Variants in RAB3B observed in about 807,000 individuals in gnomAD.
RAB3B encodes the protein ras-related protein Rab-3B.
A neutral mutation model predicts 20.5 loss-of-function variants in RAB3B; 11 were observed. The ratio of observed to expected loss-of-function variants is 0.54; its 90% CI spans 0.34 to 0.89. The LOEUF is 0.89. Ranked by LOEUF, RAB3B falls within the 40% of genes least tolerant of loss-of-function variation. The probability of loss-of-function intolerance (pLI) is 0.02; values close to 1 mark genes in which losing one functional copy is unlikely to be tolerated. For synonymous variants in RAB3B, 99 were observed against 106.3 expected (o/e 0.93, Z 0.42); for missense variants, 225 against 280.9 (o/e 0.80, Z 1.42).
chr1:51,949,656 G>A (rs1684610158), intron 2 of RAB3B, among the ~76,000 whole-genome samples: 1 of 152,212 alleles, frequency 6.6e-6, no homozygotes, highest in Non-Finnish European at 1.5e-5. Context: ...CAACCCCAAA[G>A]CTCCAGAGGG....
At chr1:51,924,159 G>A (rs1425121977) in intron 4 of RAB3B, among the ~76,000 whole-genome samples, 4 of 152,182 alleles carry the variant, frequency 2.6e-5, no homozygotes, top group Non-Finnish European at 4.4e-5. Flanking sequence ...GATACGGATA[G>A]TGTGGGTCAT....
At chr1:51,975,031 T>C (rs950767852) in intron 2 of RAB3B, among the ~76,000 whole-genome samples, 3 of 151,924 alleles carry the variant, frequency 2.0e-5, no homozygotes, top group Admixed American at 6.6e-5. Flanking sequence ...CTGGTGAACA[T>C]GGTGAAAACC....
intron 2 of RAB3B, among the ~76,000 whole-genome samples, chr1:51,940,083 T>C (rs1184824202): frequency 1.3e-5 from 2 of 152,252 alleles, no homozygotes; most frequent in Non-Finnish European, 2.9e-5. Flanking sequence ...GAATATATGT[T>C]GTTACTCTCA....
chr1:51,967,521 C>CTTTTTTTTTCTTTTTTTT lies in RAB3B; in HGVS notation c.228+9368_228+9369insAAAAAAAAGAAAAAAAAA, dbSNP rs1684871040. Among the ~76,000 whole-genome samples the CTTTTTTTTTCTTTTTTTT allele has an allele frequency of 8.2e-5, 3 of 36,496 alleles. 1 individual carries two copies. The highest frequency in any genetic ancestry group is 1.5e-3 in the East Asian group (1 of 660). 23.9% of individuals were successfully genotyped at this position (36,496 alleles called of 152,430 possible). A position where few individuals can be genotyped will look rare whatever the true frequency, so the allele number is the denominator to read the frequency against. On this transcript the variant is annotated intron_variant, in intron 2 of 4. Coordinates refer to ENST00000371655, the MANE Select transcript of RAB3B (RefSeq NM_002867.4). The stretch of plus-strand genomic sequence containing the variant: ...TTCCTTTTTCTTTTCTTTTCTTTTT[C>CTTTTTTTTTCTTTTTTTT]TTTTTTTTTTTTTTTTTTGAGATAG...
intron 3 of RAB3B, 118 bp from the exon 4 acceptor site, chr1:51,933,560 G>T (rs1684356626): frequency 4.4e-6 from 4 of 915,856 alleles, no homozygotes; most frequent in Non-Finnish European, 6.6e-6. Flanking sequence ...TTTGGAGGTG[G>T]AGTCTTCGGG....
At chr1:51,959,835 G>T (rs562246451) in intron 2 of RAB3B, among the ~76,000 whole-genome samples, 2 of 152,210 alleles carry the variant, frequency 1.3e-5, no homozygotes, top group Non-Finnish European at 2.9e-5. Context: ...GGGTAAATGG[G>T]AACTCTCCAT....
intron 2 of RAB3B, among the ~76,000 whole-genome samples, chr1:51,969,616 G>A (rs1239404406): frequency 1.7e-5 from 1 of 59,500 alleles, no homozygotes; most frequent in East Asian, 7.2e-4. Context: ...TGAGTAATAA[G>A]GCTTTTTTTT....
At chr1:51,953,529 C>G (rs1412880023) in intron 2 of RAB3B, among the ~76,000 whole-genome samples, 3 of 152,244 alleles carry the variant, frequency 2.0e-5, no homozygotes, top group African/African-American at 7.2e-5. Flanking sequence ...GTAGGCCAGG[C>G]ACGGTGGCTT....
chr1:51,988,081 A>G (rs2124324360), intron 1 of RAB3B, among the ~76,000 whole-genome samples: 1 of 152,108 alleles, frequency 6.6e-6, no homozygotes, highest in East Asian at 1.9e-4. Context: ...TGGTTGAAAA[A>G]AAAAATTCAG....
intron 2 of RAB3B, among the ~76,000 whole-genome samples, chr1:51,951,106 C>A (rs558370161): frequency 6.6e-6 from 1 of 151,266 alleles, no homozygotes; most frequent in African/African-American, 2.4e-5. Context: ...CTTACAGGAG[C>A]CTGACAATGA....
intron 4 of RAB3B, among the ~76,000 whole-genome samples, chr1:51,923,466 T>A (rs1390295710): frequency 2.0e-5 from 3 of 151,936 alleles, no homozygotes; most frequent in Non-Finnish European, 2.9e-5. Flanking sequence ...CTGTAATCCC[T>A]GCAGTTTGGG....
At chr1:51,924,198 G>A (rs1014316926) in intron 4 of RAB3B, among the ~76,000 whole-genome samples, 1 of 152,178 alleles carries the variant, frequency 6.6e-6, no homozygotes, top group Non-Finnish European at 1.5e-5. Context: ...GCACGGTGCT[G>A]GGCATTGGGG....
At chr1:51,989,258 T>TGTG (rs1557980864) in intron 1 of RAB3B, among the ~76,000 whole-genome samples, 2 of 108,180 alleles carry the variant, frequency 1.8e-5, no homozygotes, top group East Asian at 5.7e-4. Context: ...GTGTGTGTGT[T>TGTG]TTGAGGGCCC....
chr1:51,983,168 A>G (rs968096053), intron 1 of RAB3B, among the ~76,000 whole-genome samples: 2 of 152,128 alleles, frequency 1.3e-5, no homozygotes, highest in African/African-American at 4.8e-5. Flanking sequence ...AGCCTGGCCA[A>G]CATGATGAAA....
chr1:51,973,774 C>CAAT (rs1195101515), intron 2 of RAB3B, among the ~76,000 whole-genome samples: 3 of 152,150 alleles, frequency 2.0e-5, no homozygotes, highest in Non-Finnish European at 4.4e-5. Flanking sequence ...CAAAAGCTCA[C>CAAT]AATTGGCTGA....
chr1:51,963,137 A>G (rs997011304), intron 2 of RAB3B, among the ~76,000 whole-genome samples: 5 of 152,030 alleles, frequency 3.3e-5, no homozygotes, highest in African/African-American at 1.2e-4. Context: ...TTGATCTCTG[A>G]CCCCACCTCA....
intron 1 of RAB3B, among the ~76,000 whole-genome samples, chr1:51,985,391 C>T (rs1685139034): frequency 1.3e-5 from 2 of 152,268 alleles, no homozygotes; most frequent in Admixed American, 6.5e-5. Flanking sequence ...TCAAGAAACA[C>T]ATATAGAGCA....
intron 1 of RAB3B, among the ~76,000 whole-genome samples, chr1:51,986,669 G>A (rs770936467): frequency 4.6e-5 from 7 of 152,118 alleles, no homozygotes; most frequent in Non-Finnish European, 7.4e-5. Flanking sequence ...TCCTGCTACC[G>A]TACTGTACTT....
chr1:51,986,430 G>A (rs1006658975), intron 1 of RAB3B, among the ~76,000 whole-genome samples: 8 of 151,854 alleles, frequency 5.3e-5, no homozygotes, highest in East Asian at 1.9e-4. Flanking sequence ...GATTACAGGC[G>A]TGAGCCACCG....
Sources: gnomAD v4.1 joint callset for allele counts (sites outside exome capture counted in the v4.1 genomes callset) on GRCh38, gnomAD v4.1.1 for gene constraint, MANE v1.5 for transcripts, NCBI Gene and HGNC (gene_info 2026-07-23, HGNC 2026-07-21) for gene names.